The following WWOX variants were observed in gnomAD, a reference collection of about 807,000 sequenced individuals.
The protein encoded by WWOX is WW domain containing oxidoreductase.
Under a neutral mutation model 46.2 loss-of-function variants are expected in WWOX, and 69 were observed. That is an observed-to-expected ratio of 1.49 (90% CI 1.23 to 1.82). The LOEUF is 1.82. WWOX is among the 40% of genes most tolerant of loss of function. The pLI is 0.00. For missense variants in WWOX, 919 were observed against 542.6 expected (o/e 1.69, Z -6.89); for synonymous variants, 359 against 202.6 (o/e 1.77, Z -6.56).
At chr16:78,590,154 C>CTCTCTCTA (rs1300846574) in intron 8 of WWOX, among the ~76,000 whole-genome samples, 1 of 151,810 alleles carries the variant, frequency 6.6e-6, no homozygotes, top group Non-Finnish European at 1.5e-5. Flanking sequence ...CAGTCTCTCT[C>CTCTCTCTA]TCTCTCTCTG....
chr16:78,892,061 G>T (rs1054637145), intron 8 of WWOX: 2 of 152,188 alleles, frequency 1.3e-5, no homozygotes, highest in East Asian at 1.9e-4. Context: ...GATAAAATGG[G>T]TTTTTTTCCT....
At chr16:78,636,851 C>T (rs572367146) in intron 8 of WWOX, among the ~76,000 whole-genome samples, 6 of 152,286 alleles carry the variant, frequency 3.9e-5, no homozygotes, top group African/African-American at 9.6e-5. Context: ...CTTCATGGTA[C>T]AGCCCTGAGC....
chr16:78,579,751 C>T (rs1198931215), intron 8 of WWOX, among the ~76,000 whole-genome samples: 1 of 152,102 alleles, frequency 6.6e-6, no homozygotes, highest in Non-Finnish European at 1.5e-5. Flanking sequence ...ATATCATCTG[C>T]CTTGCTAGGT....
Position 78,649,854 on chromosome 16 carries a change from C to G in WWOX, c.1056+217102C>G, listed in dbSNP as rs565780372. Among the ~76,000 whole-genome samples the G allele has an allele frequency of 2.6e-5, 4 of 152,240 alleles. No homozygotes were observed. The South Asian group carries it at 8.3e-4, about 32-fold the overall frequency. ...ATGGGCATACAGAGGAATTAAATGA[C>G]CTTGTCTTCCACATATGGTATAAGG... On this transcript the variant is annotated intron_variant, in intron 8 of 8. Transcript: ENST00000566780.
At chr16:78,640,403 A>G (rs1319912964) in intron 8 of WWOX, among the ~76,000 whole-genome samples, 1 of 152,012 alleles carries the variant, frequency 6.6e-6, no homozygotes, top group African/African-American at 2.4e-5. Context: ...CAGAATTGGC[A>G]GGAAGGGCAC....
intron 8 of WWOX, among the ~76,000 whole-genome samples, chr16:79,085,330 T>C (rs2048834808): frequency 6.6e-6 from 1 of 152,124 alleles, no homozygotes; most frequent in Non-Finnish European, 1.5e-5. Context: ...GTAGTAATAG[T>C]GGCCAAGAAA....
intron 8 of WWOX, among the ~76,000 whole-genome samples, chr16:78,817,170 T>TTA (rs1296606676): frequency 7.9e-6 from 1 of 126,676 alleles, no homozygotes; most frequent in African/African-American, 3.0e-5. Context: ...ATTAGTGCTA[T>TTA]TCTTTTTTTT....
rs568954783 is a variant in WWOX at position 78,822,632 on chromosome 16, C to T, written c.1057-388976C>T. On this transcript the variant is annotated intron_variant, in intron 8 of 8. Transcript: ENST00000566780. ...CACTAGAACCCAGTGGTCACGTGTT[C>T]CTAATGGGTGGAATATTATTTTGAA... Among the ~76,000 whole-genome samples the T allele has an allele frequency of 2.0e-5, 3 of 152,224 alleles. No homozygotes were observed. In the East Asian group the frequency reaches 5.8e-4, roughly 29 times the overall value.
At chr16:78,108,383 A>G (rs2032283640) in intron 1 of WWOX, 40 bp from the exon 2 acceptor site, 1 of 1,595,602 alleles carries the variant, frequency 6.3e-7, no homozygotes, top group Non-Finnish European at 8.6e-7. Flanking sequence ...TAGAAGAGTT[A>G]ATTTTTACTT....
intron 8 of WWOX, among the ~76,000 whole-genome samples, chr16:78,561,418 C>G (rs867980903): frequency 6.6e-6 from 1 of 151,878 alleles, no homozygotes; most frequent in South Asian, 2.1e-4. Context: ...AGGATAGTTT[C>G]TTTATCTTAA....
chr16:78,353,813 G>C (rs2081229789), intron 5 of WWOX, among the ~76,000 whole-genome samples: 1 of 152,232 alleles, frequency 6.6e-6, no homozygotes, highest in Admixed American at 6.5e-5. Flanking sequence ...TTAGCGTCAA[G>C]TTGCACAGCC....
chr16:78,276,543 A>C (rs2079582505), intron 5 of WWOX, among the ~76,000 whole-genome samples: 1 of 152,248 alleles, frequency 6.6e-6, no homozygotes, highest in South Asian at 2.1e-4. Flanking sequence ...TGCTGTGAGC[A>C]ACCTCAAATC....
chr16:78,628,677 C>T (rs2046363281), intron 8 of WWOX, among the ~76,000 whole-genome samples: 1 of 152,054 alleles, frequency 6.6e-6, no homozygotes, highest in African/African-American at 2.4e-5. Flanking sequence ...ACCATGGTCA[C>T]TCCGTGCTTT....
intron 8 of WWOX, among the ~76,000 whole-genome samples, chr16:78,527,663 A>C (rs2043509304): frequency 6.6e-6 from 1 of 152,200 alleles, no homozygotes; most frequent in South Asian, 2.1e-4. Context: ...TGCACCTTAC[A>C]GCTCACTAAC....
chr16:78,349,128 G>C lies in WWOX; in HGVS notation c.517-37732G>C, dbSNP rs1436224938. On this transcript the variant is annotated intron_variant, in intron 5 of 8. Coordinates refer to ENST00000566780, the MANE Select transcript of WWOX (RefSeq NM_016373.4). ...GTTGATGTCTTCTGAGGTCTACCTC[G>C]TCTGCTTGCAGACAGCCGCCTTCCC... is the stretch of plus-strand genomic sequence containing the variant. Among the ~76,000 whole-genome samples, 2 of 120,616 alleles carry C rather than the reference G, an allele frequency of 1.7e-5. 1 individual carries two copies. Among genetic ancestry groups the C allele is most frequent in the African/African-American group, 5.6e-5 (2 of 35,476 alleles). The allele number at this position is 120,616 out of a possible 152,430, so 79.1% of individuals were successfully genotyped here.
At chr16:78,578,043 A>G (rs2044933955) in intron 8 of WWOX, among the ~76,000 whole-genome samples, 1 of 151,764 alleles carries the variant, frequency 6.6e-6, no homozygotes, top group Non-Finnish European at 1.5e-5. Flanking sequence ...TCTTGTATAA[A>G]CTTTATAAAA....
chr16:78,298,791 CAAAAA>C (rs10607151), intron 5 of WWOX, among the ~76,000 whole-genome samples: 1 of 136,758 alleles, frequency 7.3e-6, no homozygotes. Flanking sequence ...AACTCTGTCT[CAAAAA>C]AAAAAAAAAA....
chr16:78,944,139 G>C (rs1174397818), intron 8 of WWOX, among the ~76,000 whole-genome samples: 2 of 152,170 alleles, frequency 1.3e-5, no homozygotes, highest in East Asian at 1.9e-4. Context: ...CTGAGCCTAT[G>C]ATAAGATTGT....
At chr16:78,786,753 A>C (rs2050467423) in intron 8 of WWOX, among the ~76,000 whole-genome samples, 1 of 152,260 alleles carries the variant, frequency 6.6e-6, no homozygotes, top group East Asian at 1.9e-4. Flanking sequence ...TTATCATTAA[A>C]GACAGCAGGC....
Sources: gnomAD v4.1 joint callset for allele counts (sites outside exome capture counted in the v4.1 genomes callset) on GRCh38, gnomAD v4.1.1 for gene constraint, MANE v1.5 for transcripts, NCBI Gene and HGNC (gene_info 2026-07-23, HGNC 2026-07-21) for gene names.